Variants in PRORP observed in about 807,000 individuals in gnomAD.
The protein encoded by PRORP is protein only RNase P catalytic subunit, also known as mitochondrial ribonuclease P catalytic subunit.
PRORP carries 51 observed loss-of-function variants against 59.4 expected under a neutral mutation model. That is an observed-to-expected ratio of 0.86 (90% CI 0.69 to 1.08). The LOEUF (loss-of-function observed/expected upper bound fraction) is 1.08, where lower values mean the gene tolerates loss of function less well. Ranked by LOEUF, PRORP falls within the 50% of genes least tolerant of loss-of-function variation. PRORP has a pLI of 0.00. For missense variants in PRORP, 646 were observed against 690.3 expected, an observed-to-expected ratio of 0.94 and a Z score of 0.72; for synonymous variants, 231 against 245.6, an observed-to-expected ratio of 0.94 and a Z score of 0.55.
At chr14:35,155,985 A>C (rs1168407740) in intron 4 of PRORP, among the ~76,000 whole-genome samples, 2 of 152,212 alleles carry the variant, frequency 1.3e-5, no homozygotes, top group East Asian at 3.8e-4. Flanking sequence ...TTGCTTTGCA[A>C]AGAGGTTATT....
In PRORP at chr14:35,266,784, C is replaced by T. The variant is rs757231785; in HGVS notation, c.1333C>T (p.Arg445Trp). Reference protein sequence around the residue: ...KRNLRLLVLGRKHMLRRSSQW... With the variant: ...KRNLRLLVLGWKHMLRRSSQW... Reference sequence around the variant, plus strand: ...GAATCTGCGACTGCTGGTCCTAGGCCGGAAGCACATGCTAAGACGGAGTTC... The same window carrying T: ...GAATCTGCGACTGCTGGTCCTAGGCTGGAAGCACATGCTAAGACGGAGTTC... Residue 445 changes from arginine to tryptophan, a missense_variant, in exon 6 of 8, where the codon CGG (arginine) becomes TGG (tryptophan). Coordinates refer to ENST00000534898, the MANE Select transcript of PRORP (RefSeq NM_014672.4). 3.0e-5 allele frequency: 48 copies of T among 1,613,964 alleles called. No individual in the cohort carries two copies. The highest frequency in any genetic ancestry group is 4.0e-5 in the Non-Finnish European group (47 of 1,180,024).
At chr14:35,126,426 T>G (rs2138776611) in intron 2 of PRORP, among the ~76,000 whole-genome samples, 1 of 152,266 alleles carries the variant, frequency 6.6e-6, no homozygotes, top group Non-Finnish European at 1.5e-5. Flanking sequence ...CTGGCAGCTT[T>G]ATGGAGAAGG....
intron 5 of PRORP, among the ~76,000 whole-genome samples, chr14:35,260,101 T>C (rs899098281): frequency 6.7e-6 from 1 of 148,578 alleles, no homozygotes; most frequent in Non-Finnish European, 1.5e-5. Context: ...AGCATTGATC[T>C]ACTGGGCCCA....
chr14:35,247,249 G>A (rs761656098), intron 5 of PRORP, among the ~76,000 whole-genome samples: 6 of 152,142 alleles, frequency 3.9e-5, no homozygotes, highest in Non-Finnish European at 8.8e-5. Context: ...TTCCACCGCA[G>A]AGCTGCATAG....
intron 5 of PRORP, among the ~76,000 whole-genome samples, chr14:35,182,987 G>A (rs1402360299): frequency 6.6e-6 from 1 of 152,042 alleles, no homozygotes; most frequent in Non-Finnish European, 1.5e-5. Context: ...TCAATCTTAA[G>A]CCCGATACAT....
chr14:35,268,745 G>A (rs1290392634), intron 6 of PRORP, among the ~76,000 whole-genome samples: 2 of 152,062 alleles, frequency 1.3e-5, no homozygotes, highest in African/African-American at 4.8e-5. Context: ...ACAGGCACCC[G>A]CCACCATGCC....
At chr14:35,133,031 C>G (rs1396633606) in intron 4 of PRORP, among the ~76,000 whole-genome samples, 1 of 152,026 alleles carries the variant, frequency 6.6e-6, no homozygotes, top group Non-Finnish European at 1.5e-5. Flanking sequence ...AAGCGATTAT[C>G]CTGCCTCAGC....
intron 5 of PRORP, among the ~76,000 whole-genome samples, chr14:35,227,379 G>A (rs898256463): frequency 6.6e-6 from 1 of 151,870 alleles, no homozygotes; most frequent in African/African-American, 2.4e-5. Flanking sequence ...GGGAGGCAGA[G>A]CTTGCAGTGA....
chr14:35,143,458 A>G (rs1482769366), intron 4 of PRORP, among the ~76,000 whole-genome samples: 1 of 145,604 alleles, frequency 6.9e-6, no homozygotes, highest in Non-Finnish European at 1.5e-5. Context: ...CACTGTGCCC[A>G]GCCAGATATA....
chr14:35,159,049 C>T, intron 4 of PRORP: 1 of 269,230 alleles, frequency 3.7e-6, no homozygotes, highest in South Asian at 4.0e-5. Context: ...ACAGAAGAAC[C>T]ACGGTGCTGC....
chr14:35,220,050 G>A (rs910991851), intron 5 of PRORP, among the ~76,000 whole-genome samples: 2 of 152,118 alleles, frequency 1.3e-5, no homozygotes, highest in Non-Finnish European at 2.9e-5. Context: ...AGTCTAGGAG[G>A]ATCTCATCTT....
At chr14:35,270,108 A>G (rs2051146503) in intron 6 of PRORP, among the ~76,000 whole-genome samples, 2 of 152,190 alleles carry the variant, frequency 1.3e-5, no homozygotes, top group African/African-American at 4.8e-5. Context: ...AAGAGAAGCA[A>G]CTTTTAAGTG....
chr14:35,216,418 T>C (rs1396600153), intron 5 of PRORP, among the ~76,000 whole-genome samples: 1 of 151,752 alleles, frequency 6.6e-6, no homozygotes, highest in Non-Finnish European at 1.5e-5. Flanking sequence ...CAAGCAATCC[T>C]CCCGCCTCAG....
At chr14:35,205,724 A>C (rs953872459) in intron 5 of PRORP, among the ~76,000 whole-genome samples, 3 of 152,230 alleles carry the variant, frequency 2.0e-5, no homozygotes, top group Non-Finnish European at 4.4e-5. Context: ...TTTGAAGTAG[A>C]AAGTTTGCAC....
intron 4 of PRORP, chr14:35,158,598 A>G (rs772562397): frequency 6.4e-6 from 2 of 314,636 alleles, no homozygotes; most frequent in Non-Finnish European, 1.3e-5. Flanking sequence ...GCAGTGAAGT[A>G]TAAACCCGGC....
At chr14:35,126,655 A>G (rs1164739715) in intron 2 of PRORP, 80 bp from the exon 3 acceptor site, 4 of 1,084,466 alleles carry the variant, frequency 3.7e-6, no homozygotes, top group Non-Finnish European at 5.4e-6. Flanking sequence ...TGCTTATAAG[A>G]GTTTCCAAAT....
At chr14:35,252,106 T>G (rs2050630133) in intron 5 of PRORP, among the ~76,000 whole-genome samples, 1 of 152,122 alleles carries the variant, frequency 6.6e-6, no homozygotes, top group Non-Finnish European at 1.5e-5. Context: ...AAAGTGCATT[T>G]TGGCCAAATA....
intron 5 of PRORP, among the ~76,000 whole-genome samples, chr14:35,238,712 A>T (rs868513999): frequency 6.6e-6 from 1 of 152,208 alleles, no homozygotes. Flanking sequence ...TACAGTGCAC[A>T]TAGCCATTCT....
rs748513487 is a variant in PRORP at position 35,180,685 on chromosome 14, G to T, written c.1183G>T (p.Glu395Ter). The change falls in exon 5 of 8, where the codon GAG (glutamate) becomes TAG (stop). Residue 395 changes from glutamate (E) to a stop codon, truncating the protein, a stop_gained. Coordinates refer to ENST00000534898, the MANE Select transcript of PRORP (RefSeq NM_014672.4). LOFTEE classifies it high-confidence loss of function. ...TCTTTATTAGGAACTTAAGAGATTTGAGAACTTCATAAAATCTCGTCCTCC... is the reference window on the plus strand; with the variant it reads ...TCTTTATTAGGAACTTAAGAGATTTTAGAACTTCATAAAATCTCGTCCTCC... Reference protein sequence around the residue: ...KTTPQELKRFENFIKSRPPFD... With the variant: ...KTTPQELKRF 24 of 1,608,342 alleles carry T rather than the reference G, an allele frequency of 1.5e-5. No homozygotes were observed. The highest frequency in any genetic ancestry group is 1.7e-5 in the Non-Finnish European group (20 of 1,175,360).
Sources: gnomAD v4.1 joint callset for allele counts (sites outside exome capture counted in the v4.1 genomes callset) on GRCh38, gnomAD v4.1.1 for gene constraint, MANE v1.5 for transcripts, NCBI Gene and HGNC (gene_info 2026-07-23, HGNC 2026-07-21) for gene names.